The following TCERG1L variants were observed in gnomAD, a reference collection of about 807,000 sequenced individuals.
The protein encoded by TCERG1L is transcription elongation regulator 1 like.
TCERG1L carries 37 observed loss-of-function variants against 56.3 expected under a neutral mutation model. The observed-to-expected ratio is 0.66, with a 90% confidence interval of 0.51 to 0.87. The LOEUF (loss-of-function observed/expected upper bound fraction) is 0.87. Among genes scored for constraint, TCERG1L ranks in the 40% least tolerant of loss-of-function variants. The pLI, the probability that TCERG1L is intolerant of heterozygous loss-of-function variation, is 0.00. For synonymous variants in TCERG1L, 324 were observed against 326.3 expected (o/e 0.99, Z 0.08); for missense variants, 799 against 774.2 (o/e 1.03, Z -0.38).
At chr10:131,210,749 C>T (rs868464109) in intron 4 of TCERG1L, among the ~76,000 whole-genome samples, 1 of 152,090 alleles carries the variant, frequency 6.6e-6, no homozygotes, top group South Asian at 2.1e-4. Context: ...TGCTAACCAC[C>T]CCATCAGGCC....
intron 4 of TCERG1L, among the ~76,000 whole-genome samples, 165 bp from the exon 5 acceptor site, chr10:131,167,050 G>A (rs1328366850): frequency 6.6e-6 from 1 of 152,260 alleles, no homozygotes; most frequent in African/African-American, 2.4e-5. Context: ...GAAGTCTAGT[G>A]ACAAAGTTCT....
At chr10:131,132,576 T>C (rs1845629881) in intron 8 of TCERG1L, among the ~76,000 whole-genome samples, 1 of 152,198 alleles carries the variant, frequency 6.6e-6, no homozygotes, top group Non-Finnish European at 1.5e-5. Flanking sequence ...CATTCCACGT[T>C]TCCTGTGCCT....
chr10:131,271,522 G>A (rs1366360881), intron 3 of TCERG1L, among the ~76,000 whole-genome samples: 2 of 152,248 alleles, frequency 1.3e-5, no homozygotes, highest in Non-Finnish European at 2.9e-5. Context: ...CTGCCCAAGG[G>A]ATGCTCACCC....
intron 4 of TCERG1L, among the ~76,000 whole-genome samples, chr10:131,218,274 C>T (rs140271607): frequency 4.6e-4 from 70 of 152,278 alleles, no homozygotes; most frequent in African/African-American, 1.6e-3. Context: ...CTAACCGATA[C>T]GTGCATGACA....
intron 3 of TCERG1L, among the ~76,000 whole-genome samples, chr10:131,296,434 T>C (rs1846691235): frequency 6.6e-6 from 1 of 152,226 alleles, no homozygotes; most frequent in Non-Finnish European, 1.5e-5. Context: ...TGGCCATACG[T>C]GCATGTGTCT....
chr10:131,179,287 C>T (rs1031744641), intron 4 of TCERG1L, among the ~76,000 whole-genome samples: 12 of 152,352 alleles, frequency 7.9e-5, no homozygotes, highest in East Asian at 1.9e-4. Context: ...GGCCAGGCCA[C>T]GCCCAAGTCA....
At chr10:131,224,021 A>G (rs371347968) in intron 4 of TCERG1L, among the ~76,000 whole-genome samples, 2 of 151,430 alleles carry the variant, frequency 1.3e-5, no homozygotes, top group Non-Finnish European at 2.9e-5. Flanking sequence ...CCAGAGCTCC[A>G]CCCTGGAGGC....
intron 5 of TCERG1L, 130 bp from the exon 6 acceptor site, chr10:131,163,340 T>TA: frequency 2.9e-6 from 2 of 688,464 alleles, no homozygotes; most frequent in South Asian, 4.3e-5. Flanking sequence ...GATAATGACC[T>TA]CAGCACGGCA....
rs373296790 is a variant in TCERG1L, at chr10:131,144,047, C to T, written c.1189+2459G>A. Among the ~76,000 whole-genome samples, 68 of 151,766 alleles carry T rather than the reference C, an allele frequency of 4.5e-4. 2 individuals are homozygous for T. The highest frequency in any genetic ancestry group is 1.7e-3 in the Admixed American group (26 of 15,278). On this transcript the variant is annotated intron_variant, in intron 7 of 11. Coordinates refer to ENST00000368642, the MANE Select transcript of TCERG1L (RefSeq NM_174937.4). ...GAGCCACAACTTCCACGTCTCCTAT[C>T]CCCACTGAAGACACACGCACACGCA...
Position 131,166,889 on chromosome 10 carries a change from T to C in TCERG1L, c.857-4A>G, listed in dbSNP as rs774658227. The C allele has an allele frequency of 6.2e-7, 1 of 1,609,004 alleles. No individual in the cohort carries two copies. The highest frequency in any genetic ancestry group is 8.5e-7 in the Non-Finnish European group (1 of 1,179,086). On this transcript the variant is annotated splice_polypyrimidine_tract_variant and splice_region_variant and intron_variant, in intron 4 of 11. Coordinates refer to ENST00000368642, the MANE Select transcript of TCERG1L (RefSeq NM_174937.4). Reference sequence around the variant, plus strand: ...CGGCCCCGCTCTGTCCTTGTATCTGTTGGGCCAAAGCAGTTGTCATTAACA... The same window carrying C: ...CGGCCCCGCTCTGTCCTTGTATCTGCTGGGCCAAAGCAGTTGTCATTAACA...
chr10:131,307,808 G>A (rs991804560), intron 3 of TCERG1L, among the ~76,000 whole-genome samples: 1 of 152,092 alleles, frequency 6.6e-6, no homozygotes, highest in Admixed American at 6.5e-5. Context: ...GATCACACAT[G>A]TTCCTGCGTC....
At chr10:131,153,062 T>C (rs573921297) in intron 6 of TCERG1L, among the ~76,000 whole-genome samples, 2 of 152,010 alleles carry the variant, frequency 1.3e-5, no homozygotes, top group African/African-American at 2.4e-5. Flanking sequence ...TATCAGTGAG[T>C]CTGGGCAGGT....
At chr10:131,273,140 C>T (rs951079057) in intron 3 of TCERG1L, among the ~76,000 whole-genome samples, 31 of 152,210 alleles carry the variant, frequency 2.0e-4, no homozygotes, top group African/African-American at 7.2e-4. Flanking sequence ...GCATCCCTTC[C>T]ATTACCCTGG....
rs1846895235 is a variant in TCERG1L, at chr10:131,311,358, A to G, written c.278T>C (p.Leu93Pro). 2 of 1,197,244 alleles carry G rather than the reference A, an allele frequency of 1.7e-6. No individual in the cohort carries two copies. Among genetic ancestry groups the G allele is most frequent in the Non-Finnish European group, 2.1e-6 (2 of 967,862 alleles). The allele number at this position is 1,197,244 out of a possible 1,614,324, so 74.2% of individuals were successfully genotyped here. The change falls in exon 1 of 12, where the codon CTG becomes CCG. Residue 93 changes from leucine (L) to proline (P), a missense_variant. Transcript: ENST00000368642. The surrounding 1 kb of genome is among the most constrained non-coding windows in gnomAD (Gnocchi z 4.0). ...PSEPVLPLLP[L>P]PSAPDSAAAA... ...GGCGGCGGAGTCTGGCGCAGAGGGC[A>G]GCGGCAGCAGCGGGAGCACCGGCTC...
rs186189775 is a variant in TCERG1L, at chr10:131,267,900, G to A, written c.671-7456C>T. ...AGGGTGATGTTGCCACAAGTTCCCC[G>A]GGGGCCCTAGTGCTCAGGGGTGGTC... On this transcript the variant is annotated intron_variant, in intron 3 of 11. Transcript: ENST00000368642. This position sits in a 1 kb window ranked among gnomAD's most constrained non-coding sequence, Gnocchi z 4.9. 5.4e-4 allele frequency among the ~76,000 whole-genome samples: 82 copies of A among 152,304 alleles called. No individual in the cohort carries two copies. Among genetic ancestry groups the A allele is most frequent in the African/African-American group, 1.8e-3 (74 of 41,576 alleles).
At chr10:131,305,617 A>G (rs1846811855) in intron 3 of TCERG1L, among the ~76,000 whole-genome samples, 1 of 152,084 alleles carries the variant, frequency 6.6e-6, no homozygotes, top group African/African-American at 2.4e-5. Flanking sequence ...TTAAAGAATG[A>G]TCATTACAGA....
In TCERG1L at chr10:131,287,681, C is replaced by T. The variant is rs543437758; in HGVS notation, c.670+20530G>A. ...CCTTGCCATCTAGAGCGGGCTTACT[C>T]AGGGAGCATCTATGGGAACGGTCTA... On this transcript the variant is annotated intron_variant, in intron 3 of 11. Coordinates refer to ENST00000368642, the MANE Select transcript of TCERG1L (RefSeq NM_174937.4). Among the ~76,000 whole-genome samples the T allele has an allele frequency of 4.7e-4, 71 of 152,302 alleles. No homozygotes were observed. In the South Asian group the frequency reaches 0.015, roughly 32 times the overall value.
intron 4 of TCERG1L, among the ~76,000 whole-genome samples, chr10:131,235,524 C>T (rs981048075): frequency 6.6e-6 from 1 of 152,100 alleles, no homozygotes; most frequent in Admixed American, 6.5e-5. Context: ...CAACTAAAAA[C>T]GATATTGATA....
intron 8 of TCERG1L, among the ~76,000 whole-genome samples, chr10:131,132,186 G>A (rs922248998): frequency 6.6e-6 from 1 of 152,196 alleles, no homozygotes; most frequent in African/African-American, 2.4e-5. Flanking sequence ...AGGACGGGAT[G>A]GGCGTGCTCA....
Sources: gnomAD v4.1 joint callset for allele counts (sites outside exome capture counted in the v4.1 genomes callset) on GRCh38, gnomAD v4.1.1 for gene constraint, Gnocchi (gnomAD v3.1) non-coding constraint, MANE v1.5 for transcripts, NCBI Gene and HGNC (gene_info 2026-07-23, HGNC 2026-07-21) for gene names.